Variants in SEC23B observed in about 807,000 individuals in gnomAD.
SEC23B encodes the protein protein transport protein Sec23B.
Under a neutral mutation model 104.3 loss-of-function variants are expected in SEC23B, and 77 were observed. The observed-to-expected ratio is 0.74, with a 90% CI of 0.61 to 0.89. The LOEUF is 0.89. Among genes scored for constraint, SEC23B ranks in the 40% least tolerant of loss-of-function variants. SEC23B has a pLI of 0.00. For synonymous variants in SEC23B, 338 were observed against 332.5 expected, an observed-to-expected ratio of 1.02 and a Z score of -0.18; for missense variants, 885 against 949.4, an observed-to-expected ratio of 0.93 and a Z score of 0.89.
chr20:18,533,460 G>T (rs4814757), intron 11 of SEC23B, among the ~76,000 whole-genome samples: 103,416 of 151,952 alleles, frequency 0.68, 36,642 homozygotes, highest in Non-Finnish European at 0.8. Flanking sequence ...CAAGGTGCAG[G>T]TTTACACCCC....
At chr20:18,556,492 T>G (rs1222985654) in intron 19 of SEC23B, among the ~76,000 whole-genome samples, 1 of 152,224 alleles carries the variant, frequency 6.6e-6, no homozygotes, top group African/African-American at 2.4e-5. Context: ...GGAGTTTTTT[T>G]GTAAACTTCT....
intron 15 of SEC23B, among the ~76,000 whole-genome samples, chr20:18,548,399 G>T (rs1249392932): frequency 6.6e-6 from 1 of 152,092 alleles, no homozygotes; most frequent in Non-Finnish European, 1.5e-5. Flanking sequence ...TTTTCACTTT[G>T]CAGAGCTGAA....
intron 12 of SEC23B, among the ~76,000 whole-genome samples, chr20:18,537,031 A>G (rs2060238112): frequency 6.6e-6 from 1 of 152,180 alleles, no homozygotes; most frequent in Admixed American, 6.5e-5. Flanking sequence ...GAAAATCCAC[A>G]TATAAGTGGA....
chr20:18,522,722 G>A (rs1339301860), intron 4 of SEC23B, among the ~76,000 whole-genome samples: 1 of 152,134 alleles, frequency 6.6e-6, no homozygotes, highest in Non-Finnish European at 1.5e-5. Context: ...CTGGGTGCAG[G>A]CGGGCTGAGT....
Position 18,524,743 on chromosome 20 carries a change from C to T in SEC23B, c.603+74C>T, listed in dbSNP as rs918528166. 3 of 1,349,456 alleles carry T rather than the reference C, an allele frequency of 2.2e-6. No homozygotes were observed. The African/African-American group carries it at 4.3e-5, about 19-fold the overall frequency. The allele number at this position is 1,349,456 out of a possible 1,614,324, so 83.6% of individuals were successfully genotyped here. The stretch of plus-strand genomic sequence containing the variant: ...AGAGACTGGGGTCTCTTTAAAAGAG[C>T]CTGTAGCCCAGGCTGGAGTTCAGTG... On this transcript the variant is annotated intron_variant, in intron 5 of 19. Coordinates refer to ENST00000650089, the MANE Select transcript of SEC23B (RefSeq NM_006363.6).
intron 18 of SEC23B, 69 bp from the exon 19 acceptor site, chr20:18,555,039 T>TTTTCTG: frequency 7.0e-7 from 1 of 1,425,070 alleles, no homozygotes. Flanking sequence ...AACTTATCTT[T>TTTTCTG]TTTCTGTTAC....
chr20:18,526,702 CTTAA>C (rs1356615449), intron 8 of SEC23B, among the ~76,000 whole-genome samples, 171 bp downstream of exon 8: 1 of 152,146 alleles, frequency 6.6e-6, no homozygotes, highest in Admixed American at 6.5e-5. Flanking sequence ...ACTTTCAGAC[CTTAA>C]TTAGAGTGGG....
intron 19 of SEC23B, among the ~76,000 whole-genome samples, chr20:18,560,101 T>TGC (rs2060478021): frequency 6.6e-6 from 1 of 150,814 alleles, no homozygotes; most frequent in Admixed American, 6.6e-5. Flanking sequence ...TATTATTGTG[T>TGC]GTGTGTGTAT....
chr20:18,529,474 A>T (rs1177614797), intron 9 of SEC23B, among the ~76,000 whole-genome samples: 2 of 152,224 alleles, frequency 1.3e-5, no homozygotes, highest in Non-Finnish European at 2.9e-5. Context: ...CAGAAAACCC[A>T]CAATAAGTTT....
At chr20:18,533,465 C>T (rs1214206049) in intron 11 of SEC23B, among the ~76,000 whole-genome samples, 1 of 152,146 alleles carries the variant, frequency 6.6e-6, no homozygotes, top group Non-Finnish European at 1.5e-5. Context: ...TGCAGGTTTA[C>T]ACCCCGCACC....
chr20:18,527,573 T>C lies in SEC23B; in HGVS notation c.1071T>C (p.Thr357=). 1 of 1,612,970 alleles carries C rather than the reference T, an allele frequency of 6.2e-7. No homozygotes were observed. The highest frequency in any genetic ancestry group is 8.5e-7 in the Non-Finnish European group (1 of 1,178,918). The change falls in exon 9 of 20, where the codon ACT becomes ACC. Residue 357 remains threonine, a synonymous_variant. Transcript: ENST00000650089. ...IDIYACALDQ[T]GLLEMKCCAN... Reference sequence around the variant, plus strand: ...TTTATGCTTGTGCCCTTGATCAAACTGGACTTTTGGAGATGAAGTGTTGTG... The same window carrying C: ...TTTATGCTTGTGCCCTTGATCAAACCGGACTTTTGGAGATGAAGTGTTGTG...
chr20:18,551,089 C>G lies in SEC23B; in HGVS notation c.1906C>G (p.Pro636Ala). Residue 636 changes from proline (P) to alanine (A), a missense_variant and splice_region_variant, in exon 17 of 20, where the codon CCA becomes GCA. Pro to Ala is a conservative substitution (Grantham distance 27, BLOSUM62 -1). Coordinates refer to ENST00000650089, the MANE Select transcript of SEC23B (RefSeq NM_006363.6). ...CATCTTTCTCTCTCTTTTTCTTCAG[C>G]CAGTACTCTTGGATAGCAGCAGCAT... ...YSYSFHGPPE[P>A]VLLDSSSILA... 1 of 1,598,050 alleles carries G rather than the reference C, an allele frequency of 6.3e-7. No homozygotes were observed. Among genetic ancestry groups the G allele is most frequent in the Non-Finnish European group, 8.5e-7 (1 of 1,170,828 alleles).
chr20:18,517,329 TCTCAAGGG>T (rs1210716830), intron 4 of SEC23B, among the ~76,000 whole-genome samples: 1 of 152,136 alleles, frequency 6.6e-6, no homozygotes, highest in Non-Finnish European at 1.5e-5. Context: ...CAAAGTACGT[TCTCAAGGG>T]TGGGGAGAAT....
intron 19 of SEC23B, among the ~76,000 whole-genome samples, chr20:18,559,268 G>T (rs2060470870): frequency 6.6e-6 from 1 of 152,156 alleles, no homozygotes; most frequent in Non-Finnish European, 1.5e-5. Flanking sequence ...TTACACTTGG[G>T]TGATGGTGAA....
At chr20:18,511,859 TC>T (rs2059984677) in intron 2 of SEC23B, among the ~76,000 whole-genome samples, 1 of 152,162 alleles carries the variant, frequency 6.6e-6, no homozygotes, top group Admixed American at 6.5e-5. Flanking sequence ...TTTAGTAGTT[TC>T]ACATAGCCGG....
chr20:18,543,574 G>A (rs1322797577), intron 14 of SEC23B, among the ~76,000 whole-genome samples: 2 of 152,182 alleles, frequency 1.3e-5, no homozygotes, highest in Non-Finnish European at 2.9e-5. Context: ...AAGTCACACT[G>A]TAATTTAAAT....
At chr20:18,523,595 G>A (rs1465888707) in intron 4 of SEC23B, among the ~76,000 whole-genome samples, 5 of 151,244 alleles carry the variant, frequency 3.3e-5, no homozygotes, top group Non-Finnish European at 7.4e-5. Flanking sequence ...TACAGATAGG[G>A]TTTCACCATG....
At chr20:18,509,358 C>T (rs2059961039) in intron 1 of SEC23B, among the ~76,000 whole-genome samples, 1 of 152,190 alleles carries the variant, frequency 6.6e-6, no homozygotes, top group East Asian at 1.9e-4. Context: ...CCCAAAATAA[C>T]AGACAGTTGT....
chr20:18,554,716 A>C (rs1568625535), intron 18 of SEC23B, among the ~76,000 whole-genome samples: 2 of 151,680 alleles, frequency 1.3e-5, no homozygotes, highest in African/African-American at 4.8e-5. Context: ...AGTCCCAGCT[A>C]TTCGGGAGGC....
Sources: allele counts gnomAD v4.1 joint callset (sites outside exome capture counted in the v4.1 genomes callset), GRCh38; gene constraint gnomAD v4.1.1; transcripts MANE v1.5; gene names NCBI Gene and HGNC (gene_info 2026-07-23, HGNC 2026-07-21).